Variants in CSMD1 observed in about 807,000 individuals in gnomAD.
CSMD1 encodes CUB and Sushi multiple domains 1.
Under a neutral mutation model 417.5 loss-of-function variants are expected in CSMD1, and 213 were observed. The ratio of observed to expected loss-of-function variants is 0.51; its 90% CI spans 0.46 to 0.57. CSMD1 has a LOEUF of 0.57. Among genes scored for constraint, CSMD1 ranks in the 20% least tolerant of loss-of-function variants. CSMD1 has a pLI of 0.00. For synonymous variants in CSMD1, 2,862 were observed against 1,736.8 expected, an observed-to-expected ratio of 1.65 and a Z score of -16.11; for missense variants, 6,923 against 4,529.7, an observed-to-expected ratio of 1.53 and a Z score of -15.17.
chr8:3,896,861 A>T (rs1467786554), intron 5 of CSMD1, among the ~76,000 whole-genome samples: 1 of 152,088 alleles, frequency 6.6e-6, no homozygotes, highest in African/African-American at 2.4e-5. Context: ...AAAAAATTTT[A>T]AAAAGCGCTT....
intron 10 of CSMD1, among the ~76,000 whole-genome samples, chr8:3,566,638 A>G (rs1173137384): frequency 1.3e-5 from 2 of 152,212 alleles, no homozygotes; most frequent in Non-Finnish European, 2.9e-5. Flanking sequence ...GACACTTTTC[A>G]AAAGAATATA....
chr8:4,903,177 C>T (rs1585296272), intron 1 of CSMD1, among the ~76,000 whole-genome samples: 2 of 152,102 alleles, frequency 1.3e-5, no homozygotes, highest in South Asian at 4.1e-4. Context: ...AATCTTCCCA[C>T]AGGAACATTT....
At chr8:3,619,247 C>A (rs927699256) in intron 7 of CSMD1, among the ~76,000 whole-genome samples, 1 of 152,078 alleles carries the variant, frequency 6.6e-6, no homozygotes, top group Admixed American at 6.6e-5. Flanking sequence ...GACATGTACC[C>A]CCCAAAAACG....
intron 2 of CSMD1, among the ~76,000 whole-genome samples, chr8:4,596,679 C>T (rs1365520757): frequency 2.6e-5 from 4 of 152,140 alleles, no homozygotes; most frequent in Admixed American, 6.6e-5. Flanking sequence ...TTTGAACACT[C>T]GGTCTAACTT....
chr8:3,459,134 C>A (rs1166776158), intron 12 of CSMD1, among the ~76,000 whole-genome samples: 1 of 152,236 alleles, frequency 6.6e-6, no homozygotes, highest in Non-Finnish European at 1.5e-5. Flanking sequence ...TGTGCTACAG[C>A]ACCCTGTGGC....
intron 18 of CSMD1, among the ~76,000 whole-genome samples, chr8:3,380,859 C>A (rs1810585027): frequency 6.6e-6 from 1 of 151,784 alleles, no homozygotes; most frequent in Non-Finnish European, 1.5e-5. Flanking sequence ...CCTGCACGAT[C>A]CGCACATGTG....
intron 49 of CSMD1, among the ~76,000 whole-genome samples, chr8:3,053,314 G>C (rs1042390238): frequency 6.6e-6 from 1 of 152,152 alleles, no homozygotes; most frequent in Non-Finnish European, 1.5e-5. Context: ...TCTCATATTG[G>C]AAAGAAAGAA....
At chr8:4,105,103 G>A (rs1027380545) in intron 3 of CSMD1, among the ~76,000 whole-genome samples, 1 of 152,172 alleles carries the variant, frequency 6.6e-6, no homozygotes, top group African/African-American at 2.4e-5. Flanking sequence ...GGGTTTTAAT[G>A]TGTCCTTAGC....
chr8:4,487,072 G>T (rs1050675314), intron 2 of CSMD1, among the ~76,000 whole-genome samples: 1 of 152,090 alleles, frequency 6.6e-6, no homozygotes. Flanking sequence ...TTAAGTTGGA[G>T]AATTTTTTTT....
At chr8:3,953,874 G>A (rs1008604591) in intron 5 of CSMD1, among the ~76,000 whole-genome samples, 1 of 152,288 alleles carries the variant, frequency 6.6e-6, no homozygotes, top group South Asian at 2.1e-4. Context: ...TCCTGTGTGA[G>A]GTGCTGTGCA....
intron 17 of CSMD1, among the ~76,000 whole-genome samples, chr8:3,390,430 A>G (rs1045489511): frequency 1.3e-5 from 2 of 151,772 alleles, no homozygotes; most frequent in African/African-American, 4.8e-5. Flanking sequence ...CATTTATGAT[A>G]AACTAAGACC....
chr8:3,817,179 C>A (rs1018341176), intron 5 of CSMD1, among the ~76,000 whole-genome samples: 1 of 151,012 alleles, frequency 6.6e-6, no homozygotes. Flanking sequence ...ACCCCTCCCC[C>A]TCCCCAATGA....
intron 5 of CSMD1, among the ~76,000 whole-genome samples, chr8:3,841,161 G>C (rs1480243202): frequency 6.6e-6 from 1 of 152,092 alleles, no homozygotes; most frequent in Non-Finnish European, 1.5e-5. Context: ...CGATAAAATG[G>C]TGGAAATTGT....
At chr8:3,072,585 C>A (rs1448997071) in intron 49 of CSMD1, among the ~76,000 whole-genome samples, 1 of 152,144 alleles carries the variant, frequency 6.6e-6, no homozygotes, top group Non-Finnish European at 1.5e-5. Flanking sequence ...CCTGGGTTTC[C>A]AGCCCAAATT....
At chr8:4,146,087 G>A (rs1189986024) in intron 3 of CSMD1, among the ~76,000 whole-genome samples, 2 of 150,868 alleles carry the variant, frequency 1.3e-5, no homozygotes, top group East Asian at 1.9e-4. Context: ...GCATGTATCT[G>A]CCTCCCACAC....
chr8:3,767,951 T>C (rs749658366), intron 5 of CSMD1, among the ~76,000 whole-genome samples: 5 of 152,200 alleles, frequency 3.3e-5, no homozygotes, highest in Non-Finnish European at 5.9e-5. Flanking sequence ...ATGTGAACAT[T>C]ACACGTCATG....
intron 2 of CSMD1, among the ~76,000 whole-genome samples, chr8:4,425,957 T>A (rs2128943405): frequency 6.6e-6 from 1 of 152,246 alleles, no homozygotes; most frequent in Admixed American, 6.6e-5. Context: ...AGTATCTTCA[T>A]TTTAGAGAGG....
intron 50 of CSMD1, among the ~76,000 whole-genome samples, chr8:3,038,122 TTAAA>T (rs36190648): frequency 0.18 from 27,961 of 152,048 alleles, 3,217 homozygotes; most frequent in Non-Finnish European, 0.26. Flanking sequence ...TATAGCCATG[TTAAA>T]TAAATAGTGT....
chr8:4,896,777 T>C (rs185231479), intron 1 of CSMD1, among the ~76,000 whole-genome samples: 42 of 152,110 alleles, frequency 2.8e-4, no homozygotes, highest in African/African-American at 8.7e-4. Context: ...AAGGAGGTAG[T>C]TTCAGGGCTC....
Sources: gnomAD v4.1 joint callset for allele counts (sites outside exome capture counted in the v4.1 genomes callset) on GRCh38, gnomAD v4.1.1 for gene constraint, MANE v1.5 for transcripts, NCBI Gene and HGNC (gene_info 2026-07-23, HGNC 2026-07-21) for gene names.